The following C12orf50 variants were observed in gnomAD, a reference collection of about 807,000 sequenced individuals.
C12orf50 encodes the protein zinc finger CCCH-type containing 11D, also known as uncharacterized protein C12orf50.
In C12orf50, 35 loss-of-function variants were observed where a neutral mutation model predicts 61.6. That is an observed-to-expected ratio of 0.57 (90% CI 0.43 to 0.75). C12orf50 has a LOEUF of 0.75. Ranked by LOEUF, C12orf50 falls within the 30% of genes least tolerant of loss-of-function variation. The pLI is 0.00. For missense variants in C12orf50, 475 were observed against 488.5 expected (o/e 0.97, Z 0.26); for synonymous variants, 178 against 161.5 (o/e 1.10, Z -0.77).
chr12:88,010,420 AAAATT>A (rs2032056546), intron 3 of C12orf50, among the ~76,000 whole-genome samples: 1 of 123,810 alleles, frequency 8.1e-6, no homozygotes, highest in Non-Finnish European at 1.5e-5. Flanking sequence ...TTATAAGATT[AAAATT>A]ATTATAATCT....
At chr12:87,995,814 G>A (rs2031359986) in intron 6 of C12orf50, among the ~76,000 whole-genome samples, 1 of 152,066 alleles carries the variant, frequency 6.6e-6, no homozygotes. Flanking sequence ...TGAATAGTTC[G>A]CTACAAAACA....
intron 3 of C12orf50, among the ~76,000 whole-genome samples, chr12:88,013,311 A>C (rs2032182557): frequency 6.6e-6 from 1 of 152,194 alleles, no homozygotes; most frequent in African/African-American, 2.4e-5. Flanking sequence ...TCCAGCCCAG[A>C]TATACTGAAT....
chr12:88,024,270 A>G (rs949775929), intron 3 of C12orf50, among the ~76,000 whole-genome samples: 1 of 152,162 alleles, frequency 6.6e-6, no homozygotes, highest in East Asian at 1.9e-4. Flanking sequence ...CAGCAACCCT[A>G]TTATTGGGTA....
intron 3 of C12orf50, among the ~76,000 whole-genome samples, chr12:88,020,196 C>T (rs1052680356): frequency 4.6e-5 from 7 of 152,122 alleles, no homozygotes; most frequent in African/African-American, 9.7e-5. Flanking sequence ...ATCAATGTAA[C>T]CTTGAATGTA....
At chr12:88,018,566 G>T (rs1037247953) in intron 3 of C12orf50, among the ~76,000 whole-genome samples, 6 of 152,194 alleles carry the variant, frequency 3.9e-5, no homozygotes, top group African/African-American at 1.4e-4. Flanking sequence ...CTGTCCTCTA[G>T]ACCCCAGAAT....
rs1007544930 is a variant in C12orf50, at chr12:87,983,151, G to A, written c.1171C>T (p.Arg391Ter). 16 of 1,604,560 alleles carry A rather than the reference G, an allele frequency of 1.0e-5. No homozygotes were observed. Among genetic ancestry groups the A allele is most frequent in the South Asian group, 3.3e-5 (3 of 89,936 alleles). Residue 391 changes from arginine (R) to a stop codon, truncating the protein, a stop_gained, in exon 12 of 13, where the codon CGA becomes TGA. Transcript: ENST00000298699. LOFTEE classifies it high-confidence loss of function. ...TSYNDSAWRK[R>*]IPFSKTYSKS... ...GAATATGTTTTTGAAAAAGGAATTC[G>A]TTTTCGCCAGGCTGAATCATTATAT...
At chr12:88,012,086 G>A (rs1475537420) in intron 3 of C12orf50, among the ~76,000 whole-genome samples, 1 of 152,070 alleles carries the variant, frequency 6.6e-6, no homozygotes, top group Non-Finnish European at 1.5e-5. Context: ...TTTGTTTTTT[G>A]GGGTAGGGGA....
At chr12:88,023,615 C>T (rs369522857) in intron 3 of C12orf50, among the ~76,000 whole-genome samples, 87 of 147,740 alleles carry the variant, frequency 5.9e-4, no homozygotes, top group African/African-American at 2.0e-3. Flanking sequence ...TTGTAGTGGG[C>T]GGAGATCACA....
intron 3 of C12orf50, among the ~76,000 whole-genome samples, chr12:88,014,786 T>C (rs2032249428): frequency 6.6e-6 from 1 of 152,226 alleles, no homozygotes; most frequent in Non-Finnish European, 1.5e-5. Context: ...ACGAAAATTA[T>C]CCAGCATAGC....
intron 3 of C12orf50, among the ~76,000 whole-genome samples, chr12:88,016,403 G>A (rs559938527): frequency 6.6e-6 from 1 of 151,972 alleles, no homozygotes; most frequent in Admixed American, 6.5e-5. Flanking sequence ...CCCCAGTTTT[G>A]GTTATTATGG....
chr12:88,018,063 G>A lies in C12orf50; in HGVS notation c.133+8425C>T, dbSNP rs182951922. 5.3e-5 allele frequency among the ~76,000 whole-genome samples: 8 copies of A among 152,320 alleles called. No individual in the cohort carries two copies. The East Asian group carries it at 5.8e-4, about 11-fold the overall frequency. ...AAATTTTCATAATTAACAATAAGCC[G>A]AATGTTAATCCCCAAGATAATGGGG... On this transcript the variant is annotated intron_variant, in intron 3 of 12. Coordinates refer to ENST00000298699, the MANE Select transcript of C12orf50 (RefSeq NM_152589.3).
In C12orf50 at chr12:87,994,726, G is replaced by T. The variant is rs1437066483; in HGVS notation, c.499C>A (p.Pro167Thr). Residue 167 changes from proline to threonine, a missense_variant, in exon 7 of 13, where the codon CCG becomes ACG. Pro to Thr is a conservative substitution (Grantham distance 38, BLOSUM62 -1). Coordinates refer to ENST00000298699, the MANE Select transcript of C12orf50 (RefSeq NM_152589.3). Reference protein sequence around the residue: ...ELQEGDSLTVPTKLSQYERQG... With the variant: ...ELQEGDSLTVTTKLSQYERQG... Reference sequence around the variant, plus strand: ...CTTTCATATTGGCTAAGTTTTGTCGGAACTGTAAGACTATCTCCTAGAAAT... The same window carrying T: ...CTTTCATATTGGCTAAGTTTTGTCGTAACTGTAAGACTATCTCCTAGAAAT... The T allele has an allele frequency of 6.2e-7, 1 of 1,609,962 alleles. No homozygotes were observed.
At chr12:87,982,580 C>A (rs1276657479) in intron 12 of C12orf50, among the ~76,000 whole-genome samples, 2 of 152,110 alleles carry the variant, frequency 1.3e-5, no homozygotes, top group Non-Finnish European at 2.9e-5. Context: ...AGGGATACAA[C>A]AAACCTCTAC....
rs746634638 is a variant in C12orf50, at chr12:87,994,731, G to A, written c.494C>T (p.Thr165Ile). Residue 165 changes from threonine to isoleucine, a missense_variant, in exon 7 of 13, where the codon ACA (threonine) becomes ATA (isoleucine). Coordinates refer to ENST00000298699, the MANE Select transcript of C12orf50 (RefSeq NM_152589.3). ...ATATTGGCTAAGTTTTGTCGGAACTGTAAGACTATCTCCTAGAAATAAGAA... is the reference window on the plus strand; with the variant it reads ...ATATTGGCTAAGTTTTGTCGGAACTATAAGACTATCTCCTAGAAATAAGAA... ...GSELQEGDSL[T>I]VPTKLSQYER... 2 of 1,608,344 alleles carry A rather than the reference G, an allele frequency of 1.2e-6. No homozygotes were observed. Among genetic ancestry groups the A allele is most frequent in the East Asian group, 2.2e-5 (1 of 44,750 alleles).
chr12:88,014,490 C>T (rs557910256), intron 3 of C12orf50, among the ~76,000 whole-genome samples: 21 of 152,058 alleles, frequency 1.4e-4, no homozygotes, highest in South Asian at 2.1e-4. Context: ...TTAGTAGAGA[C>T]GGGTTTCACC....
chr12:88,020,871 A>C (rs1279070118), intron 3 of C12orf50, among the ~76,000 whole-genome samples: 4 of 152,178 alleles, frequency 2.6e-5, no homozygotes, highest in African/African-American at 9.6e-5. Context: ...TATAGGAATC[A>C]ATACTAAGAA....
intron 1 of C12orf50, among the ~76,000 whole-genome samples, chr12:88,028,684 T>A (rs1340436946): frequency 6.6e-6 from 1 of 152,136 alleles, no homozygotes; most frequent in Non-Finnish European, 1.5e-5. Context: ...TGAATTCAAC[T>A]ATTTGAATTA....
At chr12:88,025,663 CG>C (rs2032675926) in intron 3 of C12orf50, among the ~76,000 whole-genome samples, 1 of 152,102 alleles carries the variant, frequency 6.6e-6, no homozygotes, top group Non-Finnish European at 1.5e-5. Context: ...TGCTTGAACC[CG>C]GGAGGTGGAG....
intron 3 of C12orf50, among the ~76,000 whole-genome samples, chr12:88,008,895 T>A (rs1186119280): frequency 2.0e-5 from 3 of 152,214 alleles, no homozygotes; most frequent in African/African-American, 7.2e-5. Context: ...GTTTGAACAT[T>A]TTATAAATAG....
Sources: allele counts gnomAD v4.1 joint callset (sites outside exome capture counted in the v4.1 genomes callset), GRCh38; gene constraint gnomAD v4.1.1; transcripts MANE v1.5; gene names NCBI Gene and HGNC (gene_info 2026-07-23, HGNC 2026-07-21).